Variants in GON4L observed in about 807,000 individuals in gnomAD.
GON4L encodes gon-4 like, also known as GON-4-like protein.
GON4L carries 87 observed loss-of-function variants against 211.8 expected under a neutral mutation model. The observed-to-expected ratio is 0.41, with a 90% CI of 0.35 to 0.49. GON4L has a LOEUF of 0.49. GON4L is among the 20% of genes least tolerant of loss of function. The probability of loss-of-function intolerance (pLI) is 0.15; values close to 1 mark genes in which losing one functional copy is unlikely to be tolerated. For synonymous variants in GON4L, 875 were observed against 962.6 expected, an observed-to-expected ratio of 0.91 and a Z score of 1.68; for missense variants, 2,155 against 2,659.5, an observed-to-expected ratio of 0.81 and a Z score of 4.17.
intron 11 of GON4L, among the ~76,000 whole-genome samples, chr1:155,803,745 G>C (rs559217991): frequency 1.2e-3 from 177 of 152,264 alleles, no homozygotes; most frequent in African/African-American, 4.2e-3. Context: ...AAACCAAGTC[G>C]ATCTGACTTG....
intron 10 of GON4L, 98 bp from the exon 11 acceptor site, chr1:155,805,239 T>G: frequency 1.3e-6 from 1 of 791,822 alleles, no homozygotes. Flanking sequence ...ACAGGATCCT[T>G]CCTCTAAACA....
intron 3 of GON4L, among the ~76,000 whole-genome samples, chr1:155,823,762 G>A (rs1668930022): frequency 6.6e-6 from 1 of 151,830 alleles, no homozygotes; most frequent in Admixed American, 6.6e-5. Flanking sequence ...GCATGGTGGT[G>A]TGTCCCTGTA....
chr1:155,833,584 T>G (rs778912406), intron 2 of GON4L, among the ~76,000 whole-genome samples: 6 of 128,994 alleles, frequency 4.7e-5, no homozygotes, highest in Non-Finnish European at 9.6e-5. Flanking sequence ...AGGTGGAGCT[T>G]GCAGTGAGCC....
intron 9 of GON4L, 104 bp downstream of exon 9, chr1:155,814,226 G>C: frequency 1.8e-6 from 2 of 1,128,606 alleles, no homozygotes; most frequent in Non-Finnish European, 1.3e-6. Flanking sequence ...CTTTGAAAAA[G>C]GGTGACAGCC....
At chr1:155,808,590 C>G (rs1056839133) in intron 10 of GON4L, among the ~76,000 whole-genome samples, 1 of 152,120 alleles carries the variant, frequency 6.6e-6, no homozygotes, top group Non-Finnish European at 1.5e-5. Flanking sequence ...TCATTCGGAT[C>G]TCAGTTTAAA....
intron 27 of GON4L, 59 bp downstream of exon 27, chr1:155,756,899 A>G: frequency 7.5e-7 from 1 of 1,326,032 alleles, no homozygotes; most frequent in Non-Finnish European, 1.1e-6. Flanking sequence ...ACTGCACTCT[A>G]GTTTGGGTGA....
intron 1 of GON4L, among the ~76,000 whole-genome samples, chr1:155,854,983 G>A (rs1483015072): frequency 2.0e-5 from 3 of 150,802 alleles, no homozygotes; most frequent in Non-Finnish European, 2.9e-5. Context: ...GCAGTGAGCC[G>A]AGATCACTCC....
Position 155,836,814 on chromosome 1 carries a change from AT to A in GON4L, c.506-9787del, listed in dbSNP as rs570838166. Among the ~76,000 whole-genome samples the A allele has an allele frequency of 1.3e-3, 191 of 152,186 alleles. 1 individual carries two copies. Among genetic ancestry groups the A allele is most frequent in the African/African-American group, 4.4e-3 (184 of 41,520 alleles). On this transcript the variant is annotated intron_variant, in intron 2 of 31. Coordinates refer to ENST00000368331, the MANE Select transcript of GON4L (RefSeq NM_001282860.2). The stretch of plus-strand genomic sequence containing the variant: ...GCTCTTAGTGCCTAAATGCACACTT[AT>A]GTTTATCCAGTTGTCATGTTTGTAG...
intron 16 of GON4L, among the ~76,000 whole-genome samples, chr1:155,775,455 ATTT>A (rs575154449): frequency 6.9e-6 from 1 of 144,944 alleles, no homozygotes; most frequent in African/African-American, 2.6e-5. Context: ...ATGAGGACTC[ATTT>A]TTTTTTTTTT....
chr1:155,774,563 T>A (rs1663570845), intron 17 of GON4L, among the ~76,000 whole-genome samples: 1 of 152,114 alleles, frequency 6.6e-6, no homozygotes, highest in South Asian at 2.1e-4. Flanking sequence ...TGCCTCGGCC[T>A]CCCAAAGTAC....
At chr1:155,755,609 A>G (rs1253176775) in intron 27 of GON4L, among the ~76,000 whole-genome samples, 2 of 152,196 alleles carry the variant, frequency 1.3e-5, no homozygotes, top group Non-Finnish European at 2.9e-5. Context: ...CAATCCCTAA[A>G]TGACCTAAAG....
downstream of GON4L, chr1:155,746,838 G>A: frequency 1.3e-6 from 2 of 1,588,422 alleles, no homozygotes; most frequent in African/African-American, 1.7e-5. Context: ...TCTATCCCAA[G>A]AACCCTTATC....
In GON4L at chr1:155,775,149, T is replaced by C. The variant is rs1295587053; in HGVS notation, c.2203A>G (p.Ser735Gly). Residue 735 changes from serine (S) to glycine (G), a missense_variant, in exon 17 of 32, where the codon AGC becomes GGC. By Grantham distance (56) the Ser-to-Gly change is moderately conservative. Around this residue, in one of 6 missense-constraint regions of GON4L, gnomAD observed 551 missense variants for 854.0 expected, o/e 0.65. Transcript: ENST00000368331. ...TACTGATGGTGAAGGGCGATGGAGC[T>C]TTGAGCAAAGGTTCCCAGCTCTTTC... ...FLKELGTFAQ[S>G]SIALHHQYNP... is the part of the protein sequence containing the mutation. The C allele has an allele frequency of 6.2e-7, 1 of 1,614,210 alleles. No individual in the cohort carries two copies. Among genetic ancestry groups the C allele is most frequent in the South Asian group, 1.1e-5 (1 of 91,084 alleles).
chr1:155,856,900 A>G (rs539058368), intron 1 of GON4L, among the ~76,000 whole-genome samples: 55 of 152,274 alleles, frequency 3.6e-4, no homozygotes, highest in African/African-American at 1.2e-3. Context: ...ATGAATGCCA[A>G]TGTGGAGGCA....
At chr1:155,745,766 C>G, downstream of GON4L, 1 of 896,136 alleles carries the variant, frequency 1.1e-6, no homozygotes. Context: ...GCCTGCCAAG[C>G]CAATCGGCTA....
chr1:155,833,674 G>A (rs1411626913), intron 2 of GON4L, among the ~76,000 whole-genome samples: 1 of 132,292 alleles, frequency 7.6e-6, no homozygotes, highest in Non-Finnish European at 1.6e-5. Context: ...AAAAAAAAAA[G>A]GGAAGGAAGG....
chr1:155,842,437 TGGTG>T, intron 2 of GON4L, among the ~76,000 whole-genome samples: 1 of 143,106 alleles, frequency 7.0e-6, no homozygotes, highest in South Asian at 2.2e-4. Context: ...GGCAGGAGAA[TGGTG>T]TGAACCCGGG....
At chr1:155,777,515 G>T (rs1571707071) in intron 15 of GON4L, 107 bp downstream of exon 15, 1 of 862,148 alleles carries the variant, frequency 1.2e-6, no homozygotes, top group Non-Finnish European at 2.0e-6. Flanking sequence ...GAAAGCAGAG[G>T]TTGAAGTGAG....
chr1:155,773,707 A>G (rs1663459127), intron 17 of GON4L, among the ~76,000 whole-genome samples: 2 of 152,240 alleles, frequency 1.3e-5, no homozygotes, highest in African/African-American at 2.4e-5. Flanking sequence ...CAAAAGAACC[A>G]TAAAAGGAAG....
Sources: allele counts gnomAD v4.1 joint callset (sites outside exome capture counted in the v4.1 genomes callset), GRCh38; gene constraint gnomAD v4.1.1; regional missense constraint gnomAD v4.1.1; transcripts MANE v1.5; gene names NCBI Gene and HGNC (gene_info 2026-07-23, HGNC 2026-07-21).